CTSB: variants seen among roughly 807,000 people sequenced by gnomAD.
The protein encoded by CTSB is cathepsin B.
A neutral mutation model predicts 44.3 loss-of-function variants in CTSB; 57 were observed. The ratio of observed to expected loss-of-function variants is 1.29; its 90% CI spans 1.04 to 1.60. The LOEUF is 1.60. Ranked by LOEUF, CTSB falls within the 40% of genes most tolerant of loss-of-function variation. The probability of loss-of-function intolerance (pLI) is 0.00; values close to 1 mark genes in which losing one functional copy is unlikely to be tolerated. For missense variants in CTSB, 768 were observed against 443.0 expected, an observed-to-expected ratio of 1.73 and a Z score of -6.59; for synonymous variants, 320 against 168.0, an observed-to-expected ratio of 1.91 and a Z score of -7.00.
intron 1 of CTSB, chr8:11,853,705 A>C (rs1460595498): frequency 1.0e-5 from 5 of 482,762 alleles, no homozygotes; most frequent in East Asian, 6.8e-5. Flanking sequence ...GCCCAGAGAG[A>C]GAGCCAAGGG....
At chr8:11,866,713 A>T (rs137920404) in intron 1 of CTSB, among the ~76,000 whole-genome samples, 2,715 of 152,298 alleles carry the variant, frequency 0.018, 97 homozygotes, top group African/African-American at 0.062. Flanking sequence ...TACAAAAATT[A>T]GCTGGGCGTG....
At chr8:11,846,619 T>C (rs1208800343) in intron 8 of CTSB, among the ~76,000 whole-genome samples, 1 of 152,024 alleles carries the variant, frequency 6.6e-6, no homozygotes, top group Non-Finnish European at 1.5e-5. Flanking sequence ...ATCTAGGCCT[T>C]TGCAAAGAGA....
At chr8:11,858,670 G>C (rs183074807) in intron 1 of CTSB, among the ~76,000 whole-genome samples, 1 of 152,238 alleles carries the variant, frequency 6.6e-6, no homozygotes, top group Non-Finnish European at 1.5e-5. Context: ...AGACTGCTGA[G>C]AACTCAAAAA....
In CTSB at chr8:11,853,390, G is replaced by C; in HGVS notation, c.65C>G (p.Ser22Cys). 6.2e-7 allele frequency: 1 copy of C among 1,612,970 alleles called. No homozygotes were observed. Among genetic ancestry groups the C allele is most frequent in the Non-Finnish European group, 8.5e-7 (1 of 1,179,760 alleles). ...CAGCTCATCCGACAGGGGATGGAAA[G>C]AGGGCCTGCTCCGGGCATTGGCCAA... ...LVLANARSRP[S>C]FHPLSDELVN... The change falls in exon 2 of 10, where the codon TCT (serine) becomes TGT (cysteine). Residue 22 changes from serine (S) to cysteine (C), a missense_variant. Transcript: ENST00000353047.
At chr8:11,848,891 C>A (rs571016762) in intron 5 of CTSB, among the ~76,000 whole-genome samples, 155 bp downstream of exon 5, 1 of 152,310 alleles carries the variant, frequency 6.6e-6, no homozygotes, top group Admixed American at 6.5e-5. Flanking sequence ...GAAGCAGCAG[C>A]CTTGCCAGGC....
intron 8 of CTSB, 104 bp downstream of exon 8, chr8:11,846,948 A>C (rs1692816): frequency 0.6 from 420,273 of 705,952 alleles, 127,709 homozygotes; most frequent in Non-Finnish European, 0.64. Context: ...CCAGCCCCTC[A>C]CCTGCCTGCC....
At position 11,847,605 on chromosome 8, in the gene CTSB, C is replaced by A. The variant is rs138408883; in HGVS notation, c.676+74G>T. 12 of 1,470,920 alleles carry A rather than the reference C, an allele frequency of 8.2e-6. No homozygotes were observed. The Admixed American group carries it at 2.3e-4, about 28-fold the overall frequency. 91.1% of individuals were successfully genotyped at this position (1,470,920 alleles called of 1,614,324 possible). A position where few individuals can be genotyped will look rare whatever the true frequency, so the allele number is the denominator to read the frequency against. On this transcript the variant is annotated intron_variant, in intron 7 of 9. Transcript: ENST00000353047. Reference sequence around the variant, plus strand: ...CAAGGCTCCTCAGCCCTGACCTCTTCGCTGCAGCGTGAGGAGGGATGCAGC... The same window carrying A: ...CAAGGCTCCTCAGCCCTGACCTCTTAGCTGCAGCGTGAGGAGGGATGCAGC...
Position 11,844,243 on chromosome 8 carries a change from T to G in CTSB, c.*882A>C, listed in dbSNP as rs1035608593. The G allele has an allele frequency of 2.0e-5, 3 of 152,200 alleles. No individual in the cohort carries two copies. Among genetic ancestry groups the G allele is most frequent in the Admixed American group, 2.0e-4 (3 of 15,284 alleles). The allele number at this position is 152,200 out of a possible 1,614,324, so 9.4% of individuals were successfully genotyped here. Reference sequence around the variant, plus strand: ...CATGCAGTTCCAGGACGTGATTCTCTGCAGGGACAAAGAGAGACAGCAGCT... The same window carrying G: ...CATGCAGTTCCAGGACGTGATTCTCGGCAGGGACAAAGAGAGACAGCAGCT... On this transcript the variant is annotated 3_prime_UTR_variant, in exon 10 of 10. Transcript: ENST00000353047.
Position 11,843,753 on chromosome 8 carries a change from G to T in CTSB, c.*1372C>A, listed in dbSNP as rs1349031526. 1 of 152,232 alleles carries T rather than the reference G, an allele frequency of 6.6e-6. No homozygotes were observed. Among genetic ancestry groups the T allele is most frequent in the African/African-American group, 2.4e-5 (1 of 41,466 alleles). 9.4% of individuals were successfully genotyped at this position (152,232 alleles called of 1,614,324 possible). A position where few individuals can be genotyped will look rare whatever the true frequency, so the allele number is the denominator to read the frequency against. On this transcript the variant is annotated 3_prime_UTR_variant, in exon 10 of 10. Transcript: ENST00000353047. ...TTGTGGCTGATAAAAAATACAGGCA[G>T]GGCCCAGTGGCTCACGCCTGTAATC...
rs371648344 is a variant in CTSB, at chr8:11,851,016, C to G, written c.213-36G>C. 2.0e-6 allele frequency: 3 copies of G among 1,481,830 alleles called. No individual in the cohort carries two copies. In the Admixed American group the frequency reaches 5.3e-5, roughly 26 times the overall value. The allele number at this position is 1,481,830 out of a possible 1,614,324, so 91.8% of individuals were successfully genotyped here. ...GAAGGTCTTCATTACAAGCTCTGAT[C>G]CCACAACTCCCTCCCCAATCCCTGC... On this transcript the variant is annotated intron_variant, in intron 3 of 9. Transcript: ENST00000353047.
At chr8:11,856,633 G>A (rs545437312) in intron 1 of CTSB, among the ~76,000 whole-genome samples, 1 of 152,204 alleles carries the variant, frequency 6.6e-6, no homozygotes, top group South Asian at 2.1e-4. Context: ...ACTAGTTGAA[G>A]TGAATTCTAT....
At chr8:11,846,632 G>A (rs940914142) in intron 8 of CTSB, among the ~76,000 whole-genome samples, 1 of 152,188 alleles carries the variant, frequency 6.6e-6, no homozygotes, top group Admixed American at 6.5e-5. Context: ...CAAAGAGAAA[G>A]ATGAAGAAAA....
intron 8 of CTSB, among the ~76,000 whole-genome samples, chr8:11,846,572 G>A (rs996128489): frequency 3.9e-5 from 6 of 152,136 alleles, no homozygotes; most frequent in Admixed American, 3.3e-4. Flanking sequence ...CCAGGGCAAG[G>A]TCCTCCCTGT....
Position 11,844,024 on chromosome 8 carries a change from C to G in CTSB, c.*1101G>C, listed in dbSNP as rs950950323. ...CTCCAGCCTGGGAGACGGAATCTCA[C>G]TCTGTCAGTCACAACAACAACAAAA... On this transcript the variant is annotated 3_prime_UTR_variant, in exon 10 of 10. Transcript: ENST00000353047. 4 of 135,926 alleles carry G rather than the reference C, an allele frequency of 2.9e-5. No homozygotes were observed. The highest frequency in any genetic ancestry group is 2.7e-4 in the Admixed American group (4 of 14,604). The allele number at this position is 135,926 out of a possible 1,614,324, so 8.4% of individuals were successfully genotyped here.
rs538064820 is a variant in CTSB, at chr8:11,857,508, C to G, written c.-25-4029G>C. 2.6e-5 allele frequency among the ~76,000 whole-genome samples: 4 copies of G among 152,210 alleles called. No homozygotes were observed. In the East Asian group the frequency reaches 7.7e-4, roughly 29 times the overall value. The stretch of plus-strand genomic sequence containing the variant: ...TAGAGATGTTATTTTAAATAATAAG[C>G]CAAGTCGAGGATGGGAGCGTTTCCA... On this transcript the variant is annotated intron_variant, in intron 1 of 9. Transcript: ENST00000353047.
intron 1 of CTSB, among the ~76,000 whole-genome samples, chr8:11,856,458 A>T (rs1815525306): frequency 6.6e-6 from 1 of 151,950 alleles, no homozygotes; most frequent in African/African-American, 2.4e-5. Flanking sequence ...TACTAAATAC[A>T]AAAAATTAGC....
intron 1 of CTSB, among the ~76,000 whole-genome samples, chr8:11,858,105 G>A (rs1156741491): frequency 6.6e-6 from 1 of 152,178 alleles, no homozygotes; most frequent in African/African-American, 2.4e-5. Flanking sequence ...TCAGGTGGCA[G>A]TCAAGAATGA....
chr8:11,852,555 C>G, intron 3 of CTSB, 55 bp downstream of exon 3: 1 of 1,488,968 alleles, frequency 6.7e-7, no homozygotes, highest in Non-Finnish European at 9.2e-7. Flanking sequence ...TTCCCACTGC[C>G]CCAAACCAAC....
intron 1 of CTSB, among the ~76,000 whole-genome samples, chr8:11,860,290 G>A (rs538386918): frequency 2.6e-4 from 40 of 152,138 alleles, no homozygotes; most frequent in Non-Finnish European, 3.5e-4. Context: ...CGTTGGTGCT[G>A]TGGCTATACT....
Sources: allele counts gnomAD v4.1 joint callset (sites outside exome capture counted in the v4.1 genomes callset), GRCh38; gene constraint gnomAD v4.1.1; transcripts MANE v1.5; gene names NCBI Gene and HGNC (gene_info 2026-07-23, HGNC 2026-07-21).